TUBG2: variants seen among roughly 807,000 people sequenced by gnomAD.
The protein encoded by TUBG2 is tubulin gamma 2.
Under a neutral mutation model 55.1 loss-of-function variants are expected in TUBG2, and 39 were observed. That is an observed-to-expected ratio of 0.71 (90% CI 0.55 to 0.93). The LOEUF (loss-of-function observed/expected upper bound fraction) is 0.93, where lower values mean the gene tolerates loss of function less well. TUBG2 is among the 40% of genes least tolerant of loss of function. The pLI, the probability that TUBG2 is intolerant of heterozygous loss-of-function variation, is 0.00. For missense variants in TUBG2, 358 were observed against 599.1 expected, an observed-to-expected ratio of 0.60 and a Z score of 4.20; for synonymous variants, 223 against 241.0, an observed-to-expected ratio of 0.93 and a Z score of 0.69.
intron 1 of TUBG2, 27 bp downstream of exon 1, chr17:42,659,579 G>C (rs1463350964): frequency 6.5e-7 from 1 of 1,541,264 alleles, no homozygotes; most frequent in Admixed American, 2.0e-5. Context: ...CGGCCCCGCC[G>C]GTCTCTGGTT....
At position 42,666,235 on chromosome 17, in the gene TUBG2, C is replaced by A. The variant is rs992781259; in HGVS notation, c.992C>A (p.Thr331Asn). 2 of 1,613,888 alleles carry A rather than the reference C, an allele frequency of 1.2e-6. No homozygotes were observed. Among genetic ancestry groups the A allele is most frequent in the African/African-American group, 2.7e-5 (2 of 74,928 alleles). The change falls in exon 9 of 11, where the codon ACC (threonine) becomes AAC (asparagine). Residue 331 changes from threonine (T) to asparagine (N), a missense_variant. Around this residue, in one of 8 missense-constraint regions of TUBG2, gnomAD observed 129 missense variants for 251.6 expected, o/e 0.51. Transcript: ENST00000251412. ...ATCATCCAGGGAGAGGTGGACCCCA[C>A]CCAGGTAGGGGAGGCCCCTTCATCC... ...LNIIQGEVDP[T>N]QVHKSLQRIR...
chr17:42,659,359 G>T lies in TUBG2; in HGVS notation c.-145G>T, dbSNP rs1475521771. On this transcript the variant is annotated 5_prime_UTR_variant, in exon 1 of 11. Coordinates refer to ENST00000251412, the MANE Select transcript of TUBG2 (RefSeq NM_016437.3). Reference sequence around the variant, plus strand: ...CGGCCCACCGGCCGAGGAGAGGCCTGCGCTGCACACGCGCAGACCGAGCAT... The same window carrying T: ...CGGCCCACCGGCCGAGGAGAGGCCTTCGCTGCACACGCGCAGACCGAGCAT... 12 of 835,488 alleles carry T rather than the reference G, an allele frequency of 1.4e-5. No homozygotes were observed. Among genetic ancestry groups the T allele is most frequent in the African/African-American group, 1.8e-5 (1 of 56,316 alleles). The allele number at this position is 835,488 out of a possible 1,614,324, so 51.8% of individuals were successfully genotyped here. A position where few individuals can be genotyped will look rare whatever the true frequency, so the allele number is the denominator to read the frequency against.
Position 42,662,991 on chromosome 17 carries a change from T to C in TUBG2, c.418T>C (p.Ser140Pro), listed in dbSNP as rs1412312190. 1 of 1,614,116 alleles carries C rather than the reference T, an allele frequency of 6.2e-7. No homozygotes were observed. Among genetic ancestry groups the C allele is most frequent in the African/African-American group, 1.3e-5 (1 of 75,038 alleles). ...CACACAGGGCTTCGTGCTGTGTCAC[T>C]CCATCGCTGGGGGTACGGGTTCTGG... The part of the protein sequence containing the change: ...DSLEGFVLCH[S>P]IAGGTGSGLG... The change falls in exon 5 of 11, where the codon TCC (serine) becomes CCC (proline). Residue 140 changes from serine to proline, a missense_variant. Ser to Pro is a moderately conservative substitution (Grantham distance 74). Transcript: ENST00000251412.
chr17:42,659,762 C>G (rs2052339332), intron 1 of TUBG2, 72 bp from the exon 2 acceptor site: 3 of 1,580,066 alleles, frequency 1.9e-6, no homozygotes, highest in Non-Finnish European at 2.6e-6. Context: ...ATCGTGTCAG[C>G]CTCTGAGACT....
chr17:42,660,369 C>G, intron 3 of TUBG2, 53 bp downstream of exon 3: 1 of 1,609,844 alleles, frequency 6.2e-7, no homozygotes, highest in Non-Finnish European at 8.5e-7. Flanking sequence ...AGAGGCAAGG[C>G]AGGCTCAAGC....
intron 1 of TUBG2, 125 bp from the exon 2 acceptor site, chr17:42,659,709 C>T: frequency 7.2e-7 from 1 of 1,398,592 alleles, no homozygotes; most frequent in Non-Finnish European, 9.7e-7. Context: ...CAGCCCGGGG[C>T]TGGGGCAGCT....
At chr17:42,665,618 A>G in intron 7 of TUBG2, 56 bp downstream of exon 7, 1 of 1,614,060 alleles carries the variant, frequency 6.2e-7, no homozygotes, top group Non-Finnish European at 8.5e-7. Flanking sequence ...CTGGAGGGTC[A>G]TCTGGGGAAG....
rs545963318 is a variant in TUBG2 at position 42,666,460 on chromosome 17, G to A, written c.1134G>A (p.Met378Ile). The A allele has an allele frequency of 8.1e-6, 13 of 1,614,132 alleles. No homozygotes were observed. The Admixed American group carries it at 1.5e-4, about 19-fold the overall frequency. ...CCCACCGGGTCAGCGGGCTCATGATGGCCAACCACACCAGCATCTCCTCGG... is the reference window on the plus strand; with the variant it reads ...CCCACCGGGTCAGCGGGCTCATGATAGCCAACCACACCAGCATCTCCTCGG... ...PSAHRVSGLM[M>I]ANHTSISSLF... Residue 378 changes from methionine (M) to isoleucine (I), a missense_variant, in exon 10 of 11, where the codon ATG (methionine) becomes ATA (isoleucine). Coordinates refer to ENST00000251412, the MANE Select transcript of TUBG2 (RefSeq NM_016437.3).
At chr17:42,660,503 G>A in intron 3 of TUBG2, 136 bp from the exon 4 acceptor site, 1 of 1,276,384 alleles carries the variant, frequency 7.8e-7, no homozygotes, top group Non-Finnish European at 1.1e-6. Context: ...GCACTTCTGG[G>A]TTGAGGGCTA....
At position 42,666,859 on chromosome 17, in the gene TUBG2, G is replaced by A; in HGVS notation, c.*59G>A. 2 of 1,584,832 alleles carry A rather than the reference G, an allele frequency of 1.3e-6. No homozygotes were observed. The highest frequency in any genetic ancestry group is 8.6e-7 in the Non-Finnish European group (1 of 1,157,762). On this transcript the variant is annotated 3_prime_UTR_variant, in exon 11 of 11. Transcript: ENST00000251412. ...GGTAACCACAGCCTCGACCATGCCT[G>A]CTCCCTCTGACCCAGCTTCACCTCA...
At chr17:42,660,609 C>T (rs1395956670) in intron 3 of TUBG2, 30 bp from the exon 4 acceptor site, 2 of 1,603,400 alleles carry the variant, frequency 1.2e-6, no homozygotes, top group African/African-American at 2.7e-5. Context: ...AACCTTTGGC[C>T]TGACCCTCCC....
In TUBG2 at chr17:42,666,595, T is replaced by A. The variant is rs1469726665; in HGVS notation, c.1159-8T>A. 1 of 1,614,008 alleles carries A rather than the reference T, an allele frequency of 6.2e-7. No individual in the cohort carries two copies. Among genetic ancestry groups the A allele is most frequent in the Non-Finnish European group, 8.5e-7 (1 of 1,180,012 alleles). On this transcript the variant is annotated splice_region_variant and splice_polypyrimidine_tract_variant and intron_variant, in intron 10 of 10. Coordinates refer to ENST00000251412, the MANE Select transcript of TUBG2 (RefSeq NM_016437.3). ...GGCTCGCATTTTGGAGATTTTCATC[T>A]CTTTCAGCTCTTTGAAAGTTCCTGC...
chr17:42,659,732 C>T, intron 1 of TUBG2, 102 bp from the exon 2 acceptor site: 2 of 1,469,180 alleles, frequency 1.4e-6, no homozygotes, highest in Non-Finnish European at 1.9e-6. Flanking sequence ...CAAACCCAGG[C>T]ATCTTGGGTC....
rs1425542981 is a variant in TUBG2, at chr17:42,666,881, C to G, written c.*81C>G. The stretch of plus-strand genomic sequence containing the variant: ...CCTGCTCCCTCTGACCCAGCTTCAC[C>G]TCATGGACAACCCTTCTTGGTTCAT... On this transcript the variant is annotated 3_prime_UTR_variant, in exon 11 of 11. Coordinates refer to ENST00000251412, the MANE Select transcript of TUBG2 (RefSeq NM_016437.3). The G allele has an allele frequency of 8.8e-6, 13 of 1,484,782 alleles. No homozygotes were observed. Among genetic ancestry groups the G allele is most frequent in the Non-Finnish European group, 1.2e-5 (13 of 1,077,786 alleles). 92.0% of individuals were successfully genotyped at this position (1,484,782 alleles called of 1,614,324 possible). A position where few individuals can be genotyped will look rare whatever the true frequency, so the allele number is the denominator to read the frequency against.
In TUBG2 at chr17:42,666,709, A is replaced by G. The variant is rs2052556737; in HGVS notation, c.1265A>G (p.Asp422Gly). 6.2e-7 allele frequency: 1 copy of G among 1,614,054 alleles called. No homozygotes were observed. Among genetic ancestry groups the G allele is most frequent in the Admixed American group, 1.7e-5 (1 of 60,000 alleles). ...DMFKDNFDEM[D>G]RSREVVQELI... ...TTCAAGGACAACTTTGATGAGATGG[A>G]CAGGTCTAGGGAGGTTGTTCAGGAG... Residue 422 changes from aspartate (D) to glycine (G), a missense_variant, in exon 11 of 11, where the codon GAC (aspartate) becomes GGC (glycine). Transcript: ENST00000251412.
At position 42,666,605 on chromosome 17, in the gene TUBG2, CTT is replaced by C; in HGVS notation, c.1163_1164del (p.Phe388Ter). The C allele has an allele frequency of 6.2e-7, 1 of 1,614,246 alleles. No homozygotes were observed. Among genetic ancestry groups the C allele is most frequent in the South Asian group, 1.1e-5 (1 of 91,078 alleles). On this transcript the variant is annotated frameshift_variant, in exon 11 of 11. Coordinates refer to ENST00000251412, the MANE Select transcript of TUBG2 (RefSeq NM_016437.3). LOFTEE classifies it high-confidence loss of function. ...MANHTSISSLFESSCQQFDKL... is the reference protein window; with the variant it reads ...MANHTSISSLXESSCQQFDKL... ...TTGGAGATTTTCATCTCTTTCAGCT[CTT>C]TGAAAGTTCCTGCCAGCAGTTTGAC...
chr17:42,665,812 C>T lies in TUBG2; in HGVS notation c.828C>T (p.Leu276=). 1 of 1,614,220 alleles carries T rather than the reference C, an allele frequency of 6.2e-7. No individual in the cohort carries two copies. Among genetic ancestry groups the T allele is most frequent in the Non-Finnish European group, 8.5e-7 (1 of 1,180,024 alleles). ...LHFLMTGYTP[L]TTDQSVASVR... is the part of the protein sequence containing the mutation. ...TCCTCATGACCGGCTACACCCCGCT[C>T]ACTACAGACCAGTCAGTAAGAGCAG... Residue 276 remains leucine, a synonymous_variant, in exon 8 of 11, where the codon CTC becomes CTT. Coordinates refer to ENST00000251412, the MANE Select transcript of TUBG2 (RefSeq NM_016437.3).
At chr17:42,664,852 TTA>T (rs928262444) in intron 6 of TUBG2, among the ~76,000 whole-genome samples, 13 of 13,014 alleles carry the variant, frequency 1.0e-3, no homozygotes, top group Middle Eastern at 0.025. Flanking sequence ...TTATTTATAT[TTA>T]TATATATATA....
chr17:42,666,765 C>G lies in TUBG2; in HGVS notation c.1321C>G (p.Pro441Ala). 6.2e-7 allele frequency: 1 copy of G among 1,614,120 alleles called. No individual in the cohort carries two copies. Among genetic ancestry groups the G allele is most frequent in the Non-Finnish European group, 8.5e-7 (1 of 1,180,004 alleles). The change falls in exon 11 of 11, where the codon CCA (proline) becomes GCA (alanine). Residue 441 changes from proline (P) to alanine (A), a missense_variant. This residue lies in a region of TUBG2 where 54 missense variants were observed against 50.2 expected (regional missense o/e 1.08). Coordinates refer to ENST00000251412, the MANE Select transcript of TUBG2 (RefSeq NM_016437.3). ...TGATGAGTACCATGCGGCCACCCAG[C>G]CAGACTACATTTCCTGGGGCACCCA... Reference protein sequence around the residue: ...LIDEYHAATQPDYISWGTQEQ With the variant: ...LIDEYHAATQADYISWGTQEQ
Sources: allele counts gnomAD v4.1 joint callset (sites outside exome capture counted in the v4.1 genomes callset), GRCh38; gene constraint gnomAD v4.1.1; regional missense constraint gnomAD v4.1.1; transcripts MANE v1.5; gene names NCBI Gene and HGNC (gene_info 2026-07-23, HGNC 2026-07-21).